Variants in CDH18 observed in about 807,000 individuals in gnomAD.
CDH18 encodes cadherin 18.
In CDH18, 31 loss-of-function variants were observed where a neutral mutation model predicts 67.9. That is an observed-to-expected ratio of 0.46 (90% CI 0.34 to 0.62). The LOEUF is 0.62. CDH18 is among the 20% of genes least tolerant of loss of function. The probability of loss-of-function intolerance (pLI) is 0.01; values close to 1 mark genes in which losing one functional copy is unlikely to be tolerated. For missense variants in CDH18, 890 were observed against 975.5 expected (o/e 0.91, Z 1.17); for synonymous variants, 362 against 347.2 (o/e 1.04, Z -0.48).
At position 20,443,115 on chromosome 5, in the gene CDH18, A is replaced by C. The variant is rs62352843; in HGVS notation, c.-580+132347T>G. Among the ~76,000 whole-genome samples, 20 of 142,832 alleles carry C rather than the reference A, an allele frequency of 1.4e-4. No individual in the cohort carries two copies. The South Asian group carries it at 1.6e-3, about 12-fold the overall frequency. The allele number at this position is 142,832 out of a possible 152,430, so 93.7% of individuals were successfully genotyped here. On this transcript the variant is annotated intron_variant, in intron 1 of 14. Coordinates refer to the CDH18 transcript ENST00000507958. The stretch of plus-strand genomic sequence containing the variant: ...GTCCCAGCTACTTGGGAGGCTGAGG[A>C]AGGAGAATGGCGTGAACCCGGGAGG...
intron 2 of CDH18, among the ~76,000 whole-genome samples, chr5:19,922,003 A>C (rs1792535352): frequency 2.6e-5 from 4 of 152,080 alleles, no homozygotes; most frequent in Admixed American, 2.0e-4. Flanking sequence ...CTTTGGTTTT[A>C]CTAATGGAGA....
At chr5:20,017,061 T>C (rs1300600492) in intron 2 of CDH18, among the ~76,000 whole-genome samples, 1 of 152,188 alleles carries the variant, frequency 6.6e-6, no homozygotes, top group Non-Finnish European at 1.5e-5. Flanking sequence ...TCAAAATTTC[T>C]TGGAGTAAGA....
chr5:19,554,986 A>G (rs1738128900), intron 8 of CDH18, among the ~76,000 whole-genome samples: 1 of 152,226 alleles, frequency 6.6e-6, no homozygotes, highest in South Asian at 2.1e-4. Flanking sequence ...AATGGAGGAA[A>G]TGTTCAAATA....
intron 11 of CDH18, among the ~76,000 whole-genome samples, chr5:19,491,685 G>C (rs1188876527): frequency 6.6e-6 from 1 of 151,694 alleles, no homozygotes; most frequent in African/African-American, 2.4e-5. Context: ...ATCTTCTTTC[G>C]CCAACCCCAA....
intron 1 of CDH18, among the ~76,000 whole-genome samples, chr5:20,354,149 A>G (rs565955349): frequency 9.0e-4 from 137 of 152,352 alleles, no homozygotes; most frequent in African/African-American, 3.1e-3. Flanking sequence ...ACTGAAGAAC[A>G]AAACATTATA....
intron 1 of CDH18, among the ~76,000 whole-genome samples, chr5:20,538,412 A>G (rs959675697): frequency 4.6e-5 from 7 of 152,144 alleles, no homozygotes; most frequent in South Asian, 2.1e-4. Flanking sequence ...GCATAACCCA[A>G]TATGTCCACA....
At chr5:19,982,942 G>A (rs981706179) in intron 1 of CDH18, among the ~76,000 whole-genome samples, 1 of 150,258 alleles carries the variant, frequency 6.7e-6, no homozygotes, top group Non-Finnish European at 1.5e-5. Context: ...TACTTGGGAG[G>A]CTGAGGCAGG....
chr5:19,478,723 T>C (rs2126545734), intron 12 of CDH18: 1 of 152,334 alleles, frequency 6.6e-6, no homozygotes, highest in East Asian at 1.9e-4. Context: ...CAATGACTTA[T>C]GCCTAGTGTG....
chr5:19,859,683 T>C (rs949158336), intron 2 of CDH18, among the ~76,000 whole-genome samples: 6 of 152,174 alleles, frequency 3.9e-5, no homozygotes, highest in Admixed American at 2.6e-4. Flanking sequence ...TTAAATCTGC[T>C]TAGGACCAGG....
chr5:19,618,324 GCTTC>G, intron 5 of CDH18, among the ~76,000 whole-genome samples: 1 of 151,542 alleles, frequency 6.6e-6, no homozygotes, highest in South Asian at 2.1e-4. Context: ...CCCTGCGTTC[GCTTC>G]CTGAGTAGCT....
chr5:20,338,242 A>G (rs996633611), intron 1 of CDH18, among the ~76,000 whole-genome samples: 5 of 152,226 alleles, frequency 3.3e-5, no homozygotes, highest in African/African-American at 9.6e-5. Flanking sequence ...CAGCATCTCT[A>G]TGAGACAAAT....
chr5:20,393,621 C>T (rs1429867486), intron 1 of CDH18, among the ~76,000 whole-genome samples: 1 of 151,868 alleles, frequency 6.6e-6, no homozygotes, highest in Non-Finnish European at 1.5e-5. Flanking sequence ...GCCTAGAAAA[C>T]CCTAATGACT....
chr5:19,527,251 T>C (rs1444151848), intron 9 of CDH18, among the ~76,000 whole-genome samples: 2 of 151,792 alleles, frequency 1.3e-5, no homozygotes, highest in Admixed American at 6.6e-5. Context: ...AGTTTTTCCA[T>C]TGTAAAATCT....
At chr5:19,711,120 A>C (rs2150528648) in intron 5 of CDH18, among the ~76,000 whole-genome samples, 1 of 152,110 alleles carries the variant, frequency 6.6e-6, no homozygotes, top group East Asian at 1.9e-4. Context: ...ATTAAGAGTT[A>C]ATATCTGAAT....
intron 9 of CDH18, among the ~76,000 whole-genome samples, chr5:19,522,181 T>C (rs1311434490): frequency 2.0e-5 from 3 of 152,054 alleles, no homozygotes; most frequent in Admixed American, 6.6e-5. Flanking sequence ...ATAAAGCATA[T>C]ACATAATCAC....
intron 1 of CDH18, among the ~76,000 whole-genome samples, chr5:20,295,253 T>G (rs1363026649): frequency 6.6e-6 from 1 of 152,202 alleles, no homozygotes; most frequent in East Asian, 1.9e-4. Flanking sequence ...AACAGTCTAA[T>G]ACCATAGACC....
At chr5:20,556,311 C>A (rs1311762635) in intron 1 of CDH18, among the ~76,000 whole-genome samples, 2 of 152,124 alleles carry the variant, frequency 1.3e-5, no homozygotes, top group Non-Finnish European at 2.9e-5. Flanking sequence ...CAAAGACATT[C>A]TCTGCTTAGG....
chr5:20,526,169 A>G (rs1756044352), intron 1 of CDH18, among the ~76,000 whole-genome samples: 1 of 152,100 alleles, frequency 6.6e-6, no homozygotes, highest in South Asian at 2.1e-4. Flanking sequence ...CTCTTTGTTT[A>G]GGTGAAACCT....
At chr5:20,201,273 A>C (rs1739422204) in intron 2 of CDH18, among the ~76,000 whole-genome samples, 1 of 151,970 alleles carries the variant, frequency 6.6e-6, no homozygotes, top group Non-Finnish European at 1.5e-5. Flanking sequence ...TCTTCTTCTA[A>C]GGACATGAAT....
Sources: allele counts gnomAD v4.1 joint callset (sites outside exome capture counted in the v4.1 genomes callset), GRCh38; gene constraint gnomAD v4.1.1; transcripts MANE v1.5; gene names NCBI Gene and HGNC (gene_info 2026-07-23, HGNC 2026-07-21).